The following KCNMA1 variants were observed in gnomAD, a reference collection of about 807,000 sequenced individuals.
KCNMA1 encodes potassium calcium-activated channel subfamily M alpha 1, also known as Calcium-activated potassium channel subunit alpha-1.
A neutral mutation model predicts 140.0 loss-of-function variants in KCNMA1; 29 were observed. The ratio of observed to expected loss-of-function variants is 0.21; its 90% CI spans 0.15 to 0.28. The LOEUF is 0.28. Ranked by LOEUF, KCNMA1 falls within the 10% of genes least tolerant of loss-of-function variation. The pLI, the probability that KCNMA1 is intolerant of heterozygous loss-of-function variation, is 1.00. For synonymous variants in KCNMA1, 612 were observed against 611.9 expected, an observed-to-expected ratio of 1.00 and a Z score of 0.00; for missense variants, 880 against 1,602.2, an observed-to-expected ratio of 0.55 and a Z score of 7.70.
At chr10:77,395,212 T>G (rs540832618) in intron 2 of KCNMA1, among the ~76,000 whole-genome samples, 1 of 151,976 alleles carries the variant, frequency 6.6e-6, no homozygotes, top group African/African-American at 2.4e-5. Context: ...TAGCATGTCA[T>G]GGTGGCCTGC....
chr10:76,885,706 ATG>A lies in KCNMA1; in HGVS notation c.*1558_*1559del. The A allele has an allele frequency of 1.0e-6, 1 of 985,412 alleles. No individual in the cohort carries two copies. The highest frequency in any genetic ancestry group is 1.2e-6 in the Non-Finnish European group (1 of 829,910). The allele number at this position is 985,412 out of a possible 1,614,324, so 61.0% of individuals were successfully genotyped here. A position where few individuals can be genotyped will look rare whatever the true frequency, so the allele number is the denominator to read the frequency against. ...AGTCCATCCATAAGGGAAATTGGTT[ATG>A]GTGAATTGGCCAGTTTTTAAGAAAT... On this transcript the variant is annotated 3_prime_UTR_variant, in exon 28 of 28. Coordinates refer to ENST00000286628, the MANE Select transcript of KCNMA1 (RefSeq NM_001161352.2).
intron 19 of KCNMA1, chr10:76,974,569 C>G: frequency 6.5e-7 from 1 of 1,543,182 alleles, no homozygotes; most frequent in South Asian, 1.2e-5. Context: ...TAGCTGCAAC[C>G]TTGACTGCCA....
intron 2 of KCNMA1, among the ~76,000 whole-genome samples, chr10:77,254,002 T>C (rs565341193): frequency 1.2e-4 from 18 of 152,128 alleles, no homozygotes; most frequent in Non-Finnish European, 2.2e-4. Context: ...AAAGCCACCT[T>C]AGAAGTGTCA....
At chr10:77,277,098 C>T (rs2066892600) in intron 2 of KCNMA1, among the ~76,000 whole-genome samples, 1 of 152,106 alleles carries the variant, frequency 6.6e-6, no homozygotes, top group African/African-American at 2.4e-5. Flanking sequence ...CTGAGATGTG[C>T]TCAGCAAGTG....
chr10:77,025,998 A>AAT (rs34726010), intron 16 of KCNMA1, among the ~76,000 whole-genome samples: 21,410 of 139,642 alleles, frequency 0.15, 1,933 homozygotes, highest in East Asian at 0.42. Flanking sequence ...AGAAAAAAAA[A>AAT]ATATATATAT....
chr10:77,567,122 G>A (rs931667734), intron 1 of KCNMA1, among the ~76,000 whole-genome samples: 3 of 152,164 alleles, frequency 2.0e-5, no homozygotes, highest in South Asian at 2.1e-4. Context: ...GACAGAGCAC[G>A]GGATGCCTGC....
intron 2 of KCNMA1, among the ~76,000 whole-genome samples, chr10:77,370,495 A>G (rs2094620096): frequency 6.6e-6 from 1 of 152,196 alleles, no homozygotes; most frequent in Non-Finnish European, 1.5e-5. Context: ...CCTGTTTGAG[A>G]TTGATGCCTC....
chr10:76,929,275 T>A (rs1324848877), intron 23 of KCNMA1, among the ~76,000 whole-genome samples: 3 of 152,206 alleles, frequency 2.0e-5, no homozygotes, highest in African/African-American at 7.2e-5. Flanking sequence ...TATTATTATT[T>A]ACCTTCCTTG....
chr10:77,360,476 C>A (rs934618673), intron 2 of KCNMA1, among the ~76,000 whole-genome samples: 11 of 152,176 alleles, frequency 7.2e-5, no homozygotes, highest in Non-Finnish European at 1.5e-4. Context: ...TCTCTGATTC[C>A]TTCAGAGAAG....
At chr10:77,553,485 T>G in intron 1 of KCNMA1, among the ~76,000 whole-genome samples, 1 of 152,140 alleles carries the variant, frequency 6.6e-6, no homozygotes, top group East Asian at 1.9e-4. Context: ...GCCCAAGAAG[T>G]GCCCTCGCCT....
chr10:77,458,306 T>A (rs181151559), intron 1 of KCNMA1, among the ~76,000 whole-genome samples: 1 of 152,244 alleles, frequency 6.6e-6, no homozygotes, highest in Non-Finnish European at 1.5e-5. Context: ...CCTTGTTCCT[T>A]CCAACCATTC....
At chr10:76,948,969 T>G (rs1471424200) in intron 22 of KCNMA1, 173 bp downstream of exon 22, 5 of 701,016 alleles carry the variant, frequency 7.1e-6, no homozygotes, top group Non-Finnish European at 1.3e-5. Flanking sequence ...TAATAAGGTC[T>G]CCCAGGGTTT....
chr10:77,438,563 C>CAAA (rs1181096294), intron 1 of KCNMA1, among the ~76,000 whole-genome samples: 10 of 103,714 alleles, frequency 9.6e-5, no homozygotes, highest in African/African-American at 3.6e-4. Context: ...AACTCTGTCT[C>CAAA]AAAAAAAAAA....
chr10:76,903,817 AC>A (rs993456378), intron 25 of KCNMA1: 2 of 152,162 alleles, frequency 1.3e-5, no homozygotes, highest in Admixed American at 1.3e-4. Flanking sequence ...CACATTCCAG[AC>A]GGTCACACCC....
At chr10:77,357,500 C>T (rs1180141249) in intron 2 of KCNMA1, among the ~76,000 whole-genome samples, 1 of 152,194 alleles carries the variant, frequency 6.6e-6, no homozygotes, top group Non-Finnish European at 1.5e-5. Context: ...CTTGTATATT[C>T]CATTCAGCAC....
intron 24 of KCNMA1, chr10:76,913,876 A>C: frequency 1.7e-6 from 1 of 572,194 alleles, no homozygotes; most frequent in East Asian, 2.8e-5. Flanking sequence ...AAAATCATTA[A>C]GAAAGGCCAG....
intron 2 of KCNMA1, among the ~76,000 whole-genome samples, chr10:77,257,980 G>A (rs1452238600): frequency 6.6e-6 from 1 of 152,204 alleles, no homozygotes; most frequent in Non-Finnish European, 1.5e-5. Flanking sequence ...CAGGCACACA[G>A]GATGAGTGAT....
chr10:77,108,678 G>A lies in KCNMA1; in HGVS notation c.1132-106C>T. On this transcript the variant is annotated intron_variant, in intron 8 of 27. Transcript: ENST00000286628. The surrounding 1 kb of genome is among the most constrained non-coding windows in gnomAD (Gnocchi z 4.6). ...AAGATCTGAAAACACAAAAGGATTAGGCCTGCAAAGGTATATATTGATATG... is the reference window on the plus strand; with the variant it reads ...AAGATCTGAAAACACAAAAGGATTAAGCCTGCAAAGGTATATATTGATATG... The A allele has an allele frequency of 1.2e-6, 1 of 820,650 alleles. No individual in the cohort carries two copies. The highest frequency in any genetic ancestry group is 2.1e-6 in the Non-Finnish European group (1 of 478,112). 50.8% of individuals were successfully genotyped at this position (820,650 alleles called of 1,614,324 possible).
chr10:77,439,934 G>T (rs139546269), intron 1 of KCNMA1, among the ~76,000 whole-genome samples: 1 of 152,136 alleles, frequency 6.6e-6, no homozygotes, highest in Admixed American at 6.5e-5. Flanking sequence ...AAAGTTGTTC[G>T]AGCATAAACA....
Sources: allele counts gnomAD v4.1 joint callset (sites outside exome capture counted in the v4.1 genomes callset), GRCh38; gene constraint gnomAD v4.1.1; non-coding constraint Gnocchi (gnomAD v3.1); transcripts MANE v1.5; gene names NCBI Gene and HGNC (gene_info 2026-07-23, HGNC 2026-07-21).